Variants in TNRC6B observed in about 807,000 individuals in gnomAD.
TNRC6B encodes the protein trinucleotide repeat-containing gene 6B protein.
In TNRC6B, 52 loss-of-function variants were observed where a neutral mutation model predicts 203.6. The ratio of observed to expected loss-of-function variants is 0.26; its 90% CI spans 0.20 to 0.32. The LOEUF (loss-of-function observed/expected upper bound fraction) is 0.32, where lower values mean the gene tolerates loss of function less well. TNRC6B is among the 10% of genes least tolerant of loss of function. The probability of loss-of-function intolerance (pLI) is 1.00; values close to 1 mark genes in which losing one functional copy is unlikely to be tolerated. For missense variants in TNRC6B, 1,923 were observed against 2,286.2 expected (o/e 0.84, Z 3.24); for synonymous variants, 838 against 845.7 (o/e 0.99, Z 0.16).
intron 4 of TNRC6B, among the ~76,000 whole-genome samples, chr22:40,170,424 AT>A: frequency 4.2e-5 from 1 of 23,772 alleles, no homozygotes; most frequent in East Asian, 8.2e-4. Flanking sequence ...TTATATATAT[AT>A]TATATATATA....
rs767591922 is a variant in TNRC6B at position 40,315,914 on chromosome 22, T to C, written c.4904-28T>C. On this transcript the variant is annotated intron_variant, in intron 20 of 22. Transcript: ENST00000454349. The stretch of plus-strand genomic sequence containing the variant: ...TTTCTTGTTTTTGTTTTATTTCTCT[T>C]CCTAACCATTTTTCTGGTTGCTCAT... 3.1e-6 allele frequency: 5 copies of C among 1,587,788 alleles called. No individual in the cohort carries two copies. In the South Asian group the frequency reaches 5.6e-5, roughly 18 times the overall value.
At chr22:40,301,438 G>A in intron 15 of TNRC6B, 105 bp downstream of exon 15, 2 of 1,219,150 alleles carry the variant, frequency 1.6e-6, no homozygotes, top group Non-Finnish European at 2.3e-6. Context: ...AGCTGTACAA[G>A]GTAGGTAAAT....
chr22:40,228,345 G>T (rs891360536), intron 1 of TNRC6B, among the ~76,000 whole-genome samples: 18 of 151,734 alleles, frequency 1.2e-4, no homozygotes, highest in Admixed American at 5.9e-4. Context: ...CAGGAGAATC[G>T]CTTGAACCCG....
intron 1 of TNRC6B, among the ~76,000 whole-genome samples, chr22:40,224,756 T>C (rs1320584714): frequency 6.6e-6 from 1 of 152,250 alleles, no homozygotes; most frequent in African/African-American, 2.4e-5. Flanking sequence ...CCCGTTTAAA[T>C]ACTTTATCCA....
At position 40,266,641 on chromosome 22, in the gene TNRC6B, C is replaced by T. The variant is rs760342914; in HGVS notation, c.2411C>T (p.Pro804Leu). 17 of 1,611,884 alleles carry T rather than the reference C, an allele frequency of 1.1e-5. No homozygotes were observed. Among genetic ancestry groups the T allele is most frequent in the Non-Finnish European group, 1.4e-5 (17 of 1,178,708 alleles). The stretch of plus-strand genomic sequence containing the variant: ...GGGTGGGAGGATTGCAAAAGATCCC[C>T]AGCATGGAATGAGACGGGCCGACAG... The part of the protein sequence containing the change: ...KGGWEDCKRS[P>L]AWNETGRQPN... Residue 804 changes from proline (P) to leucine (L), a missense_variant, in exon 5 of 23, where the codon CCA becomes CTA. Physicochemically the swap from Pro to Leu is moderately conservative, Grantham distance 98. This residue lies in a region of TNRC6B where 599 missense variants were observed against 656.5 expected (regional missense o/e 0.91). Transcript: ENST00000454349.
At chr22:40,299,493 C>T (rs1452293024) in intron 12 of TNRC6B, among the ~76,000 whole-genome samples, 1 of 152,178 alleles carries the variant, frequency 6.6e-6, no homozygotes, top group Admixed American at 6.5e-5. Flanking sequence ...CCCACCTCAG[C>T]CTCCTGAAGT....
At chr22:40,046,215 AATC>A (rs568529086) in intron 1 of TNRC6B, among the ~76,000 whole-genome samples, 27 of 152,330 alleles carry the variant, frequency 1.8e-4, no homozygotes, top group African/African-American at 6.5e-4. Context: ...TGATTTGGAG[AATC>A]ATCAGTGATC....
intron 12 of TNRC6B, among the ~76,000 whole-genome samples, chr22:40,289,554 T>C (rs895468915): frequency 2.0e-5 from 3 of 152,122 alleles, no homozygotes; most frequent in African/African-American, 7.2e-5. Flanking sequence ...CTGAAGCACT[T>C]CCTGTGTTTG....
intron 1 of TNRC6B, among the ~76,000 whole-genome samples, chr22:40,101,486 A>G (rs1378367224): frequency 3.3e-5 from 5 of 152,082 alleles, no homozygotes; most frequent in Non-Finnish European, 7.4e-5. Context: ...TTTGAGAACC[A>G]TTGCTCTAGA....
intron 2 of TNRC6B, among the ~76,000 whole-genome samples, chr22:40,122,974 C>A (rs897775215): frequency 6.6e-6 from 1 of 152,200 alleles, no homozygotes; most frequent in Non-Finnish European, 1.5e-5. Context: ...ACAGCTCCCC[C>A]TCCAGGTTCC....
At chr22:40,254,917 A>C (rs2070247454) in intron 3 of TNRC6B, among the ~76,000 whole-genome samples, 2 of 151,980 alleles carry the variant, frequency 1.3e-5, no homozygotes, top group East Asian at 3.9e-4. Flanking sequence ...AACCTGCATT[A>C]ATAGACATAC....
chr22:40,214,082 A>G (rs2069600223), intron 1 of TNRC6B, among the ~76,000 whole-genome samples: 1 of 152,132 alleles, frequency 6.6e-6, no homozygotes, highest in Non-Finnish European at 1.5e-5. Context: ...CCTGGCCAAC[A>G]TGGTGAAACC....
chr22:40,047,271 A>G (rs945742317), intron 1 of TNRC6B, among the ~76,000 whole-genome samples: 1 of 152,140 alleles, frequency 6.6e-6, no homozygotes, highest in South Asian at 2.1e-4. Flanking sequence ...GAAAAGGAGA[A>G]TACCACTGAT....
Position 40,123,284 on chromosome 22 carries a change from G to A in TNRC6B, c.-46-2488G>A, listed in dbSNP as rs116931350. Among the ~76,000 whole-genome samples, 1,226 of 152,064 alleles carry A rather than the reference G, an allele frequency of 8.1e-3. 6 individuals are homozygous for A. The highest frequency in any genetic ancestry group is 0.013 in the Admixed American group (193 of 15,250). The stretch of plus-strand genomic sequence containing the variant: ...TGTTGGGGGATAGGGAGGAGGAGTC[G>A]GTAACGGGAAATAGCAGTGATTGTC... On this transcript the variant is annotated intron_variant, in intron 2 of 23. Coordinates refer to the TNRC6B transcript ENST00000301923.
chr22:40,320,138 T>G (rs923894748), intron 21 of TNRC6B, among the ~76,000 whole-genome samples: 8 of 152,216 alleles, frequency 5.3e-5, no homozygotes, highest in Admixed American at 1.3e-4. Context: ...AATCTGTTTA[T>G]CTTCCAAAGA....
chr22:40,312,388 G>A (rs2071196313), intron 17 of TNRC6B, 117 bp from the exon 18 acceptor site: 1 of 1,065,230 alleles, frequency 9.4e-7, no homozygotes, highest in South Asian at 1.9e-5. Context: ...GAAAATCTAA[G>A]AGACAATAAA....
intron 1 of TNRC6B, among the ~76,000 whole-genome samples, chr22:40,052,739 AT>A (rs1293126333): frequency 2.0e-5 from 3 of 151,964 alleles, no homozygotes; most frequent in Admixed American, 6.6e-5. Flanking sequence ...GTGAGCCACC[AT>A]GTCTGGCCTG....
intron 1 of TNRC6B, among the ~76,000 whole-genome samples, chr22:40,184,157 G>A (rs73885657): frequency 0.011 from 1,646 of 152,278 alleles, 27 homozygotes; most frequent in African/African-American, 0.038. Flanking sequence ...CATTCATTCT[G>A]CAAATAATTA....
At chr22:40,161,389 T>C (rs1601850394) in intron 4 of TNRC6B, among the ~76,000 whole-genome samples, 2 of 152,320 alleles carry the variant, frequency 1.3e-5, no homozygotes, top group South Asian at 4.1e-4. Flanking sequence ...ACATGACTAA[T>C]GTAACTTACT....
Sources: allele counts gnomAD v4.1 joint callset (sites outside exome capture counted in the v4.1 genomes callset), GRCh38; gene constraint gnomAD v4.1.1; regional missense constraint gnomAD v4.1.1; transcripts MANE v1.5; gene names NCBI Gene and HGNC (gene_info 2026-07-23, HGNC 2026-07-21).